FAM120B: variants seen among roughly 807,000 people sequenced by gnomAD.
FAM120B encodes family with sequence similarity 120 member B.
FAM120B carries 83 observed loss-of-function variants against 96.3 expected under a neutral mutation model. That is an observed-to-expected ratio of 0.86 (90% CI 0.72 to 1.03). FAM120B has a LOEUF of 1.03. Ranked by LOEUF, FAM120B falls within the 50% of genes least tolerant of loss-of-function variation. The pLI is 0.00. For synonymous variants in FAM120B, 407 were observed against 402.7 expected, an observed-to-expected ratio of 1.01 and a Z score of -0.13; for missense variants, 1,027 against 1,121.2, an observed-to-expected ratio of 0.92 and a Z score of 1.20.
intron 9 of FAM120B, among the ~76,000 whole-genome samples, chr6:170,397,873 G>A (rs1310421735): frequency 6.6e-6 from 1 of 152,186 alleles, no homozygotes; most frequent in Non-Finnish European, 1.5e-5. Flanking sequence ...GCAGGGGAGG[G>A]AAGAGCCACA....
intron 5 of FAM120B, among the ~76,000 whole-genome samples, chr6:170,353,922 T>A (rs903771675): frequency 2.0e-5 from 3 of 152,190 alleles, no homozygotes; most frequent in Admixed American, 2.0e-4. Context: ...AAAAAACTAT[T>A]TTAAAATGCA....
intron 6 of FAM120B, among the ~76,000 whole-genome samples, chr6:170,365,965 AG>A (rs993567940): frequency 6.6e-6 from 1 of 152,132 alleles, no homozygotes; most frequent in African/African-American, 2.4e-5. Context: ...AGAAATGCAA[AG>A]GGGACAGAGC....
chr6:170,351,872 C>T (rs1787603560), intron 5 of FAM120B, among the ~76,000 whole-genome samples: 1 of 152,182 alleles, frequency 6.6e-6, no homozygotes, highest in Non-Finnish European at 1.5e-5. Context: ...TGTGAAGCAA[C>T]CACATAAACA....
chr6:170,401,566 C>G lies in FAM120B; in HGVS notation c.2693-2984C>G, dbSNP rs9356649. ...CCGCTGTCCCCTGCAGGAGCCAGGA[C>G]AGGCACCGCCAGTATCTCCAGGAGT... On this transcript the variant is annotated intron_variant, in intron 9 of 10. Coordinates refer to ENST00000476287, the MANE Select transcript of FAM120B (RefSeq NM_032448.3). Among the ~76,000 whole-genome samples the G allele has an allele frequency of 6.6e-3, 1,007 of 152,120 alleles. 67 individuals carry two copies. In the East Asian group the frequency reaches 0.16, roughly 25 times the overall value.
chr6:170,380,688 T>C (rs528334122), intron 6 of FAM120B, among the ~76,000 whole-genome samples: 11 of 152,336 alleles, frequency 7.2e-5, no homozygotes, highest in African/African-American at 2.4e-4. Flanking sequence ...CATGTTTTAA[T>C]TGGGTTATTT....
intron 6 of FAM120B, among the ~76,000 whole-genome samples, chr6:170,375,802 G>A (rs868788508): frequency 1.3e-5 from 2 of 152,134 alleles, no homozygotes; most frequent in African/African-American, 2.4e-5. Context: ...GATGGTCCCC[G>A]TCTGGGCATA....
At chr6:170,299,963 A>G (rs1376530213) in intron 1 of FAM120B, among the ~76,000 whole-genome samples, 3 of 152,260 alleles carry the variant, frequency 2.0e-5, no homozygotes, top group Non-Finnish European at 2.9e-5. Flanking sequence ...GTCTTTCTAC[A>G]TGATACCTTT....
chr6:170,390,582 G>GT (rs1179969170), intron 7 of FAM120B, among the ~76,000 whole-genome samples: 3 of 151,860 alleles, frequency 2.0e-5, no homozygotes, highest in African/African-American at 4.8e-5. Context: ...ATGTTGTTTT[G>GT]TTTTTTGTTT....
intron 9 of FAM120B, among the ~76,000 whole-genome samples, chr6:170,397,898 C>T (rs1377510497): frequency 6.6e-6 from 1 of 152,214 alleles, no homozygotes; most frequent in Non-Finnish European, 1.5e-5. Flanking sequence ...CTCTTTCGGG[C>T]AGACTGACTG....
chr6:170,313,468 T>C (rs1343128070), intron 1 of FAM120B, among the ~76,000 whole-genome samples: 2 of 152,224 alleles, frequency 1.3e-5, no homozygotes, highest in African/African-American at 4.8e-5. Context: ...GAAGACTTTG[T>C]GTTTTGTATT....
rs1788159261 is a variant in FAM120B, at chr6:170,359,090, A to G, written c.2283+772A>G. ...TGGAAAAAACTAAGTTTCATTTATA[A>G]ATGGCTTTTACTCAAACCTCACAAC... On this transcript the variant is annotated intron_variant, in intron 6 of 10. Coordinates refer to ENST00000476287, the MANE Select transcript of FAM120B (RefSeq NM_032448.3). 5.3e-5 allele frequency among the ~76,000 whole-genome samples: 8 copies of G among 152,148 alleles called. 1 individual carries two copies. The South Asian group carries it at 1.7e-3, about 31-fold the overall frequency.
chr6:170,330,857 T>C, intron 4 of FAM120B: 1 of 313,716 alleles, frequency 3.2e-6, no homozygotes, highest in Non-Finnish European at 6.0e-6. Context: ...TCAGCGCATG[T>C]TGCTGCCGCA....
intron 6 of FAM120B, among the ~76,000 whole-genome samples, chr6:170,369,811 G>A (rs942163546): frequency 6.6e-6 from 1 of 151,764 alleles, no homozygotes; most frequent in Non-Finnish European, 1.5e-5. Context: ...TCAGTTACTT[G>A]GGGGTGGAAA....
rs924763535 is a variant in FAM120B, at chr6:170,295,709, T to C, written c.48+256T>C. 6.6e-6 allele frequency among the ~76,000 whole-genome samples: 1 copy of C among 151,966 alleles called. No homozygotes were observed. The highest frequency in any genetic ancestry group is 1.5e-5 in the Non-Finnish European group (1 of 67,934). On this transcript the variant is annotated intron_variant, in intron 1 of 10. Transcript: ENST00000537664. The surrounding 1 kb of genome is among the most constrained non-coding windows in gnomAD (Gnocchi z 7.8). ...CCGGGTCCCGGCGCCACACGCCCTT[T>C]TCCTTTCTCAGGATCCGCGGCCGTG... is the stretch of plus-strand genomic sequence containing the variant.
chr6:170,295,078 G>A (rs1208262221), upstream of FAM120B, among the ~76,000 whole-genome samples: 1 of 152,188 alleles, frequency 6.6e-6, no homozygotes, highest in Non-Finnish European at 1.5e-5. The surrounding 1 kb of genome is among the most constrained non-coding windows in gnomAD (Gnocchi z 7.8). Flanking sequence ...GTCAGTTTTG[G>A]AATCTGAAAG....
At chr6:170,361,239 CGT>C (rs1788424450) in intron 6 of FAM120B, among the ~76,000 whole-genome samples, 3 of 58,776 alleles carry the variant, frequency 5.1e-5, no homozygotes, top group African/African-American at 1.3e-4. Context: ...TATATATACA[CGT>C]ATATATATAT....
At chr6:170,401,002 G>T (rs1167740252) in intron 9 of FAM120B, among the ~76,000 whole-genome samples, 1 of 152,206 alleles carries the variant, frequency 6.6e-6, no homozygotes, top group Non-Finnish European at 1.5e-5. Flanking sequence ...TCCTTGGATT[G>T]ACAGGAAGCA....
chr6:170,329,788 T>C (rs1369417073), intron 3 of FAM120B, among the ~76,000 whole-genome samples: 1 of 152,146 alleles, frequency 6.6e-6, no homozygotes, highest in Admixed American at 6.5e-5. Flanking sequence ...CTCCACTTCA[T>C]TTCTCAGCTC....
chr6:170,400,366 A>T (rs1778493012), intron 9 of FAM120B, among the ~76,000 whole-genome samples: 1 of 152,126 alleles, frequency 6.6e-6, no homozygotes, highest in South Asian at 2.1e-4. Context: ...CTGATCTCAG[A>T]AGGCAGGTGG....
Sources: allele counts gnomAD v4.1 joint callset (sites outside exome capture counted in the v4.1 genomes callset), GRCh38; gene constraint gnomAD v4.1.1; non-coding constraint Gnocchi (gnomAD v3.1); transcripts MANE v1.5; gene names NCBI Gene and HGNC (gene_info 2026-07-23, HGNC 2026-07-21).